The following KCNMA1 variants were observed in gnomAD, a reference collection of about 807,000 sequenced individuals.
KCNMA1 encodes potassium calcium-activated channel subfamily M alpha 1, also known as Calcium-activated potassium channel subunit alpha-1.
KCNMA1 carries 29 observed loss-of-function variants against 140.0 expected under a neutral mutation model. The ratio of observed to expected loss-of-function variants is 0.21; its 90% confidence interval spans 0.15 to 0.28. The LOEUF is 0.28. Ranked by LOEUF, KCNMA1 falls within the 10% of genes least tolerant of loss-of-function variation. The pLI is 1.00. For synonymous variants in KCNMA1, 612 were observed against 611.9 expected (o/e 1.00, Z 0.00); for missense variants, 880 against 1,602.2 (o/e 0.55, Z 7.70).
chr10:77,389,045 T>C (rs2095715481), intron 2 of KCNMA1, among the ~76,000 whole-genome samples: 1 of 152,222 alleles, frequency 6.6e-6, no homozygotes, highest in African/African-American at 2.4e-5. Context: ...GGGGGAGTCT[T>C]TGCTTAAATC....
intron 1 of KCNMA1, among the ~76,000 whole-genome samples, chr10:77,514,114 A>G (rs1338002625): frequency 6.6e-6 from 1 of 152,210 alleles, no homozygotes; most frequent in Non-Finnish European, 1.5e-5. Context: ...CCCCGCTAAC[A>G]TCAGTGGCAG....
intron 6 of KCNMA1, among the ~76,000 whole-genome samples, chr10:77,118,637 T>C (rs12265896): frequency 0.4 from 61,233 of 152,058 alleles, 12,973 homozygotes; most frequent in Middle Eastern, 0.48. Context: ...CCCAGCCCCA[T>C]GAGGATGACA....
intron 3 of KCNMA1, among the ~76,000 whole-genome samples, chr10:77,206,764 G>GTAAA (rs1441323555): frequency 9.9e-6 from 1 of 101,322 alleles, no homozygotes; most frequent in Non-Finnish European, 1.9e-5. Flanking sequence ...TGCTAAACAA[G>GTAAA]TAAATAAATA....
At chr10:77,096,535 C>G (rs1768416474) in intron 9 of KCNMA1, among the ~76,000 whole-genome samples, 1 of 152,136 alleles carries the variant, frequency 6.6e-6, no homozygotes, top group African/African-American at 2.4e-5. Context: ...GCGGGGAGGC[C>G]TTAGATCTTT....
intron 5 of KCNMA1, among the ~76,000 whole-genome samples, chr10:77,144,552 A>G (rs771482772): frequency 8.5e-5 from 13 of 152,198 alleles, no homozygotes; most frequent in Non-Finnish European, 1.0e-4. Flanking sequence ...CACTGAATGC[A>G]CCCTCAGGAT....
rs971979347 is a variant in KCNMA1, at chr10:77,263,170, T to C, written c.541-11914A>G. 1.3e-5 allele frequency among the ~76,000 whole-genome samples: 2 copies of C among 152,270 alleles called. 1 individual carries two copies. The stretch of plus-strand genomic sequence containing the variant: ...AACTTGTATTACATGCAAGTGACTC[T>C]TCCCTCTCTAGAGCATTGATCTTAC... On this transcript the variant is annotated intron_variant, in intron 2 of 27. Transcript: ENST00000286628.
intron 1 of KCNMA1, among the ~76,000 whole-genome samples, chr10:77,595,214 G>A (rs561510535): frequency 6.6e-6 from 1 of 152,144 alleles, no homozygotes; most frequent in Admixed American, 6.5e-5. Context: ...GGGCATGGTG[G>A]TGGGCGCCTG....
chr10:77,490,819 C>A (rs816847), intron 1 of KCNMA1, among the ~76,000 whole-genome samples: 1 of 152,014 alleles, frequency 6.6e-6, no homozygotes, highest in African/African-American at 2.4e-5. Context: ...TCTCCAGGAC[C>A]GAAATCTCTA....
intron 6 of KCNMA1, among the ~76,000 whole-genome samples, chr10:77,115,793 G>A (rs1432822741): frequency 1.3e-5 from 2 of 152,168 alleles, no homozygotes; most frequent in Non-Finnish European, 2.9e-5. Flanking sequence ...TCTGAAATCT[G>A]ATTATTTTTA....
intron 3 of KCNMA1, among the ~76,000 whole-genome samples, chr10:77,214,291 C>T (rs1452674295): frequency 6.6e-6 from 1 of 152,166 alleles, no homozygotes; most frequent in African/African-American, 2.4e-5. Flanking sequence ...CTTTTCTGCA[C>T]CATCAGGCTC....
chr10:77,313,603 T>C (rs1238254147), intron 2 of KCNMA1, among the ~76,000 whole-genome samples: 2 of 152,174 alleles, frequency 1.3e-5, no homozygotes, highest in Non-Finnish European at 1.5e-5. Context: ...GGAAAGCAGA[T>C]GCTAGGATCC....
At chr10:76,934,790 C>G (rs1332335551) in intron 23 of KCNMA1, among the ~76,000 whole-genome samples, 2 of 152,142 alleles carry the variant, frequency 1.3e-5, no homozygotes, top group African/African-American at 2.4e-5. Context: ...CTGTGGTTTC[C>G]CCACTATAAG....
intron 23 of KCNMA1, among the ~76,000 whole-genome samples, chr10:76,925,527 T>A (rs1477456366): frequency 2.0e-5 from 3 of 152,210 alleles, no homozygotes; most frequent in African/African-American, 7.2e-5. Flanking sequence ...ACCATTTTGT[T>A]TCCATTACAT....
intron 3 of KCNMA1, 99 bp downstream of exon 3, chr10:77,251,096 G>C: frequency 3.2e-6 from 3 of 930,616 alleles, no homozygotes; most frequent in Non-Finnish European, 5.3e-6. Context: ...GCACTCAGAA[G>C]GTCTTGCAAA....
intron 1 of KCNMA1, among the ~76,000 whole-genome samples, chr10:77,541,564 C>T (rs1039409625): frequency 6.6e-6 from 1 of 152,162 alleles, no homozygotes; most frequent in Non-Finnish European, 1.5e-5. Context: ...ATTCTTGAAA[C>T]TACGTGACTC....
At chr10:77,383,393 A>G (rs1427822053) in intron 2 of KCNMA1, among the ~76,000 whole-genome samples, 1 of 144,196 alleles carries the variant, frequency 6.9e-6, no homozygotes, top group Non-Finnish European at 1.5e-5. Flanking sequence ...GCCTGGAGAG[A>G]TGGTTGCTTA....
intron 1 of KCNMA1, among the ~76,000 whole-genome samples, chr10:77,465,477 G>A (rs2097975208): frequency 6.6e-6 from 1 of 152,186 alleles, no homozygotes; most frequent in South Asian, 2.1e-4. Context: ...AGAACAGCCT[G>A]AGTTTGATTC....
At chr10:77,369,306 A>G (rs2094540594) in intron 2 of KCNMA1, among the ~76,000 whole-genome samples, 1 of 152,190 alleles carries the variant, frequency 6.6e-6, no homozygotes, top group Non-Finnish European at 1.5e-5. Context: ...GTCATCTGGG[A>G]GGATTTACAA....
chr10:77,501,028 T>C (rs2043684339), intron 1 of KCNMA1, among the ~76,000 whole-genome samples: 1 of 152,196 alleles, frequency 6.6e-6, no homozygotes, highest in African/African-American at 2.4e-5. Context: ...GCCCTCCAGG[T>C]TGTTCTAATG....
Sources: gnomAD v4.1 joint callset for allele counts (sites outside exome capture counted in the v4.1 genomes callset) on GRCh38, gnomAD v4.1.1 for gene constraint, MANE v1.5 for transcripts, NCBI Gene and HGNC (gene_info 2026-07-23, HGNC 2026-07-21) for gene names.